NBAS: variants seen among roughly 807,000 people sequenced by gnomAD.
NBAS encodes the protein NAG/BC035112 fusion.
In NBAS, 219 loss-of-function variants were observed where a neutral mutation model predicts 302.5. The ratio of observed to expected loss-of-function variants is 0.72; its 90% CI spans 0.65 to 0.81. NBAS has a LOEUF of 0.81. Ranked by LOEUF, NBAS falls within the 30% of genes least tolerant of loss-of-function variation. The pLI is 0.00. For missense variants in NBAS, 2,932 were observed against 2,841.6 expected (o/e 1.03, Z -0.72); for synonymous variants, 1,118 against 1,021.6 (o/e 1.09, Z -1.80).
the NBAS span, among the ~76,000 whole-genome samples, chr2:14,902,623 G>T: frequency 0.22 from 33,959 of 152,102 alleles, 4,039 homozygotes; most frequent in Non-Finnish European, 0.27. Flanking sequence ...ATGTCAGCCT[G>T]GGAATTTTGC....
At position 15,326,956 on chromosome 2, in the gene NBAS, T is replaced by C. The variant is rs376979057; in HGVS notation, c.4582+794A>G. Reference sequence around the variant, plus strand: ...GGAATTAGCAGTTCTATTCCCTGTATGCATTTTCCCAAATTTTACTTTACA... The same window carrying C: ...GGAATTAGCAGTTCTATTCCCTGTACGCATTTTCCCAAATTTTACTTTACA... On this transcript the variant is annotated intron_variant, in intron 38 of 51. Transcript: ENST00000281513. Among the ~76,000 whole-genome samples, 11 of 152,302 alleles carry C rather than the reference T, an allele frequency of 7.2e-5. No individual in the cohort carries two copies. The East Asian group carries it at 1.7e-3, about 24-fold the overall frequency.
chr2:14,783,007 A>G, the NBAS span, among the ~76,000 whole-genome samples: 4 of 152,138 alleles, frequency 2.6e-5, no homozygotes, highest in African/African-American at 9.7e-5. Context: ...GCCATTGGGT[A>G]CAAAGCTAAG....
At chr2:15,224,277 A>C (rs1160529709) in intron 47 of NBAS, among the ~76,000 whole-genome samples, 2 of 152,244 alleles carry the variant, frequency 1.3e-5, no homozygotes. Flanking sequence ...CAGCAAGAAG[A>C]CAGATTTTTT....
chr2:15,472,224 G>A (rs1435120877), intron 16 of NBAS, among the ~76,000 whole-genome samples: 3 of 152,142 alleles, frequency 2.0e-5, no homozygotes, highest in African/African-American at 7.2e-5. Flanking sequence ...TTCTAGTCCT[G>A]ATGTGCTTTG....
chr2:15,146,997 C>T, the NBAS span, among the ~76,000 whole-genome samples: 11 of 152,270 alleles, frequency 7.2e-5, no homozygotes, highest in African/African-American at 2.2e-4. Flanking sequence ...TCTGTCCCTT[C>T]GGAAGGACCC....
intron 38 of NBAS, among the ~76,000 whole-genome samples, chr2:15,322,429 A>T (rs1173237775): frequency 6.6e-6 from 1 of 152,060 alleles, no homozygotes; most frequent in Non-Finnish European, 1.5e-5. Flanking sequence ...AAAAAAACAG[A>T]AATCTATGCT....
the NBAS span, among the ~76,000 whole-genome samples, chr2:14,978,766 T>C: frequency 6.6e-6 from 1 of 152,182 alleles, no homozygotes; most frequent in East Asian, 1.9e-4. Flanking sequence ...ACCTTTTCCA[T>C]TGCATTACCG....
At chr2:15,032,081 C>G in the NBAS span, among the ~76,000 whole-genome samples, 1 of 152,216 alleles carries the variant, frequency 6.6e-6, no homozygotes, top group African/African-American at 2.4e-5. Context: ...TGACCACACT[C>G]TAAAATCCCC....
chr2:15,345,994 C>CA (rs1310201855), intron 35 of NBAS, among the ~76,000 whole-genome samples: 7 of 151,992 alleles, frequency 4.6e-5, no homozygotes, highest in African/African-American at 7.2e-5. Context: ...ACACTTTATA[C>CA]AAAAAATTAA....
chr2:14,992,174 G>A, the NBAS span, among the ~76,000 whole-genome samples: 2 of 152,176 alleles, frequency 1.3e-5, no homozygotes, highest in African/African-American at 4.8e-5. Context: ...TCTAAAAACT[G>A]TAAATCATTA....
chr2:14,939,209 AG>A, the NBAS span, among the ~76,000 whole-genome samples: 1 of 152,244 alleles, frequency 6.6e-6, no homozygotes, highest in Non-Finnish European at 1.5e-5. Context: ...TTCTGATCAA[AG>A]CTGTTAGACC....
chr2:15,205,045 T>A (rs951996688), intron 48 of NBAS, among the ~76,000 whole-genome samples: 1 of 151,984 alleles, frequency 6.6e-6, no homozygotes. Flanking sequence ...GAAGTAGCAA[T>A]ATGAAATTAC....
the NBAS span, among the ~76,000 whole-genome samples, chr2:15,060,260 C>T: frequency 6.6e-6 from 1 of 152,144 alleles, no homozygotes; most frequent in African/African-American, 2.4e-5. Flanking sequence ...CCTGCCATGT[C>T]CGGGGAGCAC....
the NBAS span, among the ~76,000 whole-genome samples, chr2:14,889,229 T>A: frequency 6.6e-6 from 1 of 152,244 alleles, no homozygotes; most frequent in African/African-American, 2.4e-5. Context: ...AACAGCAGCA[T>A]CCTGTTTTGT....
At chr2:14,832,885 A>G in the NBAS span, among the ~76,000 whole-genome samples, 2 of 152,126 alleles carry the variant, frequency 1.3e-5, no homozygotes, top group Non-Finnish European at 2.9e-5. Flanking sequence ...TGTCCCATGG[A>G]AGGCAAAATT....
chr2:14,913,628 T>C, the NBAS span, among the ~76,000 whole-genome samples: 88,380 of 151,908 alleles, frequency 0.58, 26,455 homozygotes, highest in African/African-American at 0.7. Context: ...GGAATGTGTT[T>C]AGATTTGTGT....
chr2:15,033,652 G>A, the NBAS span, among the ~76,000 whole-genome samples: 1 of 152,086 alleles, frequency 6.6e-6, no homozygotes, highest in East Asian at 1.9e-4. Flanking sequence ...CCTCATGAAT[G>A]AGATGAACTC....
intron 9 of NBAS, among the ~76,000 whole-genome samples, chr2:15,515,282 C>T (rs542162725): frequency 3.0e-4 from 46 of 151,932 alleles, no homozygotes; most frequent in Admixed American, 2.5e-3. Context: ...AAATTAGTGG[C>T]ACAAAAGATG....
At chr2:15,145,590 C>T in the NBAS span, among the ~76,000 whole-genome samples, 1 of 152,112 alleles carries the variant, frequency 6.6e-6, no homozygotes, top group Non-Finnish European at 1.5e-5. Context: ...AGAGGAGCAT[C>T]TGAGTCCCAG....
Sources: allele counts gnomAD v4.1 joint callset (sites outside exome capture counted in the v4.1 genomes callset), GRCh38; gene constraint gnomAD v4.1.1; transcripts MANE v1.5; gene names NCBI Gene and HGNC (gene_info 2026-07-23, HGNC 2026-07-21).